The following DLG5 variants were observed in gnomAD, a reference collection of about 807,000 sequenced individuals.
The protein encoded by DLG5 is disks large homolog 5.
In DLG5, 48 loss-of-function variants were observed where a neutral mutation model predicts 189.8. That is an observed-to-expected ratio of 0.25 (90% CI 0.20 to 0.32). The LOEUF is 0.32. Ranked by LOEUF, DLG5 falls within the 10% of genes least tolerant of loss-of-function variation. The pLI is 1.00. For synonymous variants in DLG5, 1,016 were observed against 1,054.1 expected, an observed-to-expected ratio of 0.96 and a Z score of 0.70; for missense variants, 2,160 against 2,544.7, an observed-to-expected ratio of 0.85 and a Z score of 3.25.
intron 2 of DLG5, among the ~76,000 whole-genome samples, chr10:77,865,109 C>T (rs1844619707): frequency 6.6e-6 from 1 of 152,198 alleles, no homozygotes; most frequent in Admixed American, 6.5e-5. Flanking sequence ...CCTTGAGTTA[C>T]TTCTTTCTTT....
intron 1 of DLG5, among the ~76,000 whole-genome samples, chr10:77,920,635 G>A (rs1363632086): frequency 6.6e-6 from 1 of 152,208 alleles, no homozygotes; most frequent in Non-Finnish European, 1.5e-5. Context: ...CCTGGCCACA[G>A]TGACCGGGCC....
chr10:77,926,409 GACT>G lies in DLG5; in HGVS notation c.109_111del (p.Ser37del). 6.3e-7 allele frequency: 1 copy of G among 1,585,310 alleles called. No individual in the cohort carries two copies. The highest frequency in any genetic ancestry group is 8.6e-7 in the Non-Finnish European group (1 of 1,168,250). On this transcript the variant is annotated inframe_deletion, in exon 1 of 32. Transcript: ENST00000372391. This position sits in a 1 kb window ranked among gnomAD's most constrained non-coding sequence, Gnocchi z 5.2. The stretch of plus-strand genomic sequence containing the variant: ...TCGTCCAGCTGCCGCCGCTCGCCGG[GACT>G]GAGCGCTCCCGCGGCCTCGAGCAGC...
intron 13 of DLG5, 39 bp from the exon 14 acceptor site, chr10:77,824,515 G>A: frequency 6.5e-7 from 1 of 1,530,792 alleles, no homozygotes; most frequent in Non-Finnish European, 9.0e-7. Flanking sequence ...CACAGGCAGA[G>A]CGGCCTCAGG....
In DLG5 at chr10:77,863,314, G is replaced by A. The variant is rs141003566; in HGVS notation, c.373+5815C>T. On this transcript the variant is annotated intron_variant, in intron 2 of 31. Coordinates refer to ENST00000372391, the MANE Select transcript of DLG5 (RefSeq NM_004747.4). ...GGGCCCCACTATGTTGCCCAGGCTA[G>A]TCTCAAACTCCTGGGCTCAAGCAAT... Among the ~76,000 whole-genome samples the A allele has an allele frequency of 4.1e-3, 627 of 152,002 alleles. 4 individuals carry two copies. Among genetic ancestry groups the A allele is most frequent in the Middle Eastern group, 0.024 (7 of 294 alleles).
intron 5 of DLG5, chr10:77,845,529 C>G (rs1843643538): frequency 6.6e-6 from 1 of 151,422 alleles, no homozygotes; most frequent in African/African-American, 2.4e-5. Context: ...TCCTCTAAGA[C>G]CTAAGCATTA....
At chr10:77,836,635 CAA>C (rs1166982616) in intron 7 of DLG5, among the ~76,000 whole-genome samples, 1 of 152,158 alleles carries the variant, frequency 6.6e-6, no homozygotes, top group Non-Finnish European at 1.5e-5. Flanking sequence ...ACGTAGAAAA[CAA>C]GAGAAGAGAA....
the DLG5 span, among the ~76,000 whole-genome samples, chr10:77,935,279 G>A: frequency 2.6e-5 from 4 of 152,134 alleles, no homozygotes; most frequent in East Asian, 7.7e-4. Flanking sequence ...GTTCATTATT[G>A]TACCCTCTGT....
Position 77,860,580 on chromosome 10 carries a change from C to A in DLG5, c.374-3688G>T, listed in dbSNP as rs143240545. ...CCTCCCAAAGTGCTGGGATTACAGG[C>A]GTGAGGCACTGCACCCGGCCATGCC... On this transcript the variant is annotated intron_variant, in intron 2 of 31. Transcript: ENST00000372391. 1.4e-3 allele frequency among the ~76,000 whole-genome samples: 209 copies of A among 152,298 alleles called. 5 individuals carry two copies. The East Asian group carries it at 0.028, about 20-fold the overall frequency.
chr10:77,853,298 T>G, intron 5 of DLG5, 56 bp downstream of exon 5: 1 of 1,394,930 alleles, frequency 7.2e-7, no homozygotes, highest in Non-Finnish European at 9.5e-7. Context: ...TATTCTCCAT[T>G]AAAAGGAATG....
At chr10:77,848,818 G>A (rs192424432) in intron 5 of DLG5, among the ~76,000 whole-genome samples, 13 of 152,174 alleles carry the variant, frequency 8.5e-5, no homozygotes, top group Admixed American at 8.5e-4. Flanking sequence ...GGTTTACACA[G>A]AGGATGGTCA....
intron 1 of DLG5, among the ~76,000 whole-genome samples, chr10:77,905,290 C>T (rs1017668651): frequency 1.7e-4 from 26 of 152,138 alleles, no homozygotes; most frequent in Admixed American, 1.5e-3. Context: ...CATGAGTCAC[C>T]TCATCCAGCC....
rs1353139423 is a variant in DLG5 at position 77,794,097 on chromosome 10, T to C, written c.5567A>G (p.Tyr1856Cys). ...CCTCTGAGTCACCTTGTCCCTCAGG[T>C]AGATGGGGTCTCTCTGCTCCCTGTG... ...KHIKEQRDPI[Y>C]LRDKVTQRHS... The change falls in exon 31 of 32, where the codon TAC becomes TGC. Residue 1856 changes from tyrosine (Y) to cysteine (C), a missense_variant. Tyr to Cys is a radical substitution (Grantham distance 194). Coordinates refer to ENST00000372391, the MANE Select transcript of DLG5 (RefSeq NM_004747.4). 1 of 1,614,084 alleles carries C rather than the reference T, an allele frequency of 6.2e-7. No individual in the cohort carries two copies. Among genetic ancestry groups the C allele is most frequent in the Admixed American group, 1.7e-5 (1 of 60,018 alleles).
At chr10:77,810,103 T>C (rs1441573450) in intron 23 of DLG5, among the ~76,000 whole-genome samples, 1 of 152,224 alleles carries the variant, frequency 6.6e-6, no homozygotes, top group Non-Finnish European at 1.5e-5. Context: ...GGCCTCACTG[T>C]CCAGAGCACA....
rs556159813 is a variant in DLG5 at position 77,824,493 on chromosome 10, A to G, written c.2290-17T>C. On this transcript the variant is annotated splice_polypyrimidine_tract_variant and intron_variant, in intron 13 of 31. Transcript: ENST00000372391. ...GCCATTGATCTAGAGCAGGACAGAG[A>G]GCATGTCAGGCCACAGGCAGAGCGG... is the stretch of plus-strand genomic sequence containing the variant. The G allele has an allele frequency of 5.0e-5, 80 of 1,607,318 alleles. 2 individuals are homozygous for G. In the South Asian group the frequency reaches 5.6e-4, roughly 11 times the overall value.
chr10:77,888,035 T>TA (rs1456039280), intron 1 of DLG5, among the ~76,000 whole-genome samples: 1 of 152,200 alleles, frequency 6.6e-6, no homozygotes, highest in Non-Finnish European at 1.5e-5. Flanking sequence ...CCCAACTTCT[T>TA]AGTTTAAATG....
At chr10:77,906,808 T>C (rs1197474846) in intron 1 of DLG5, among the ~76,000 whole-genome samples, 3 of 151,800 alleles carry the variant, frequency 2.0e-5, no homozygotes, top group African/African-American at 7.3e-5. Flanking sequence ...TATTTTTCAG[T>C]AGACATGGGG....
intron 1 of DLG5, among the ~76,000 whole-genome samples, chr10:77,892,255 A>T (rs1845632673): frequency 1.3e-5 from 2 of 152,308 alleles, no homozygotes; most frequent in South Asian, 4.1e-4. Context: ...GCCTTTTGGC[A>T]CAGGCACACA....
chr10:77,800,228 G>T (rs1033263370), intron 27 of DLG5, among the ~76,000 whole-genome samples: 2 of 152,212 alleles, frequency 1.3e-5, no homozygotes, highest in Non-Finnish European at 2.9e-5. Flanking sequence ...CAGGTATAAT[G>T]GAACAGCTTG....
rs1842794014 is a variant in DLG5 at position 77,829,337 on chromosome 10, T to C, written c.2185+18A>G. 3 of 1,612,978 alleles carry C rather than the reference T, an allele frequency of 1.9e-6. No individual in the cohort carries two copies. The highest frequency in any genetic ancestry group is 1.3e-5 in the African/African-American group (1 of 74,918). Reference sequence around the variant, plus strand: ...CCCAGCCACCTGAGGCACTCTGCCATGTTCACAGGCCCGCTACCTTTCTGT... The same window carrying C: ...CCCAGCCACCTGAGGCACTCTGCCACGTTCACAGGCCCGCTACCTTTCTGT... On this transcript the variant is annotated intron_variant, in intron 12 of 31. Transcript: ENST00000372391.
Sources: gnomAD v4.1 joint callset for allele counts (sites outside exome capture counted in the v4.1 genomes callset) on GRCh38, gnomAD v4.1.1 for gene constraint, Gnocchi (gnomAD v3.1) non-coding constraint, MANE v1.5 for transcripts, NCBI Gene and HGNC (gene_info 2026-07-23, HGNC 2026-07-21) for gene names.